Variants in VPS13B observed in about 807,000 individuals in gnomAD.
VPS13B encodes the protein intermembrane lipid transfer protein VPS13B.
A neutral mutation model predicts 426.4 loss-of-function variants in VPS13B; 285 were observed. The ratio of observed to expected loss-of-function variants is 0.67; its 90% CI spans 0.61 to 0.74. The LOEUF (loss-of-function observed/expected upper bound fraction) is 0.74. VPS13B is among the 30% of genes least tolerant of loss of function. VPS13B has a pLI of 0.00. For synonymous variants in VPS13B, 1,676 were observed against 1,676.4 expected (o/e 1.00, Z 0.01); for missense variants, 4,537 against 4,782.6 (o/e 0.95, Z 1.51).
intron 21 of VPS13B, among the ~76,000 whole-genome samples, chr8:99,410,535 ATTATTTAT>A (rs202087477): frequency 0.011 from 1,608 of 149,056 alleles, 14 homozygotes; most frequent in Non-Finnish European, 0.016. Context: ...TGTTACCAGA[ATTATTTAT>A]TTATTTATTT....
intron 19 of VPS13B, among the ~76,000 whole-genome samples, chr8:99,353,434 GTATTC>G (rs1219511023): frequency 1.3e-5 from 2 of 152,146 alleles, no homozygotes; most frequent in Non-Finnish European, 2.9e-5. Flanking sequence ...AGAAACCTCA[GTATTC>G]TAATCCTTTG....
chr8:99,425,467 C>T lies in VPS13B; in HGVS notation c.3083-6070C>T, dbSNP rs572546744. Among the ~76,000 whole-genome samples the T allele has an allele frequency of 1.4e-3, 213 of 152,268 alleles. 1 individual carries two copies. The highest frequency in any genetic ancestry group is 5.0e-3 in the African/African-American group (208 of 41,554). On this transcript the variant is annotated intron_variant, in intron 21 of 61. Transcript: ENST00000357162. Reference sequence around the variant, plus strand: ...TAAACAGAACCAAAGACAAAAACCACATGATTATCTCAATAGATGCAGAAA... The same window carrying T: ...TAAACAGAACCAAAGACAAAAACCATATGATTATCTCAATAGATGCAGAAA...
At position 99,510,667 on chromosome 8, in the gene VPS13B, C is replaced by T. The variant is rs551173824; in HGVS notation, c.4225-437C>T. On this transcript the variant is annotated intron_variant, in intron 28 of 61. Transcript: ENST00000357162. ...ATAGGCATGTACTACCATGCCACCA[C>T]ATCTGGCTAATTTTTTGTATTTTGA... Among the ~76,000 whole-genome samples the T allele has an allele frequency of 3.3e-5, 5 of 152,208 alleles. No individual in the cohort carries two copies. The East Asian group carries it at 7.8e-4, about 24-fold the overall frequency.
intron 50 of VPS13B, among the ~76,000 whole-genome samples, chr8:99,822,168 A>G (rs1433700443): frequency 1.3e-5 from 2 of 152,178 alleles, no homozygotes; most frequent in African/African-American, 2.4e-5. Context: ...TTCTAATATC[A>G]TCATTATTTT....
intron 31 of VPS13B, among the ~76,000 whole-genome samples, chr8:99,566,901 A>G (rs1429834088): frequency 6.6e-6 from 1 of 152,178 alleles, no homozygotes; most frequent in Non-Finnish European, 1.5e-5. Flanking sequence ...ATTGAAGTTT[A>G]CTGGTTTATT....
At chr8:99,805,398 G>T (rs2130774404) in intron 43 of VPS13B, among the ~76,000 whole-genome samples, 1 of 152,264 alleles carries the variant, frequency 6.6e-6, no homozygotes, top group African/African-American at 2.4e-5. Context: ...TTAAGATGCA[G>T]TTTAACATTT....
intron 19 of VPS13B, among the ~76,000 whole-genome samples, chr8:99,378,196 G>A (rs1240718985): frequency 1.4e-5 from 2 of 143,168 alleles, no homozygotes; most frequent in Admixed American, 1.6e-4. Context: ...TCCTTACTGG[G>A]GAAATAATTC....
At chr8:99,874,379 T>G (rs965622451) in intron 61 of VPS13B, among the ~76,000 whole-genome samples, 1 of 152,224 alleles carries the variant, frequency 6.6e-6, no homozygotes, top group Admixed American at 6.5e-5. Context: ...AGATTCAAAC[T>G]CTAAGGGATT....
At chr8:99,087,225 C>T (rs544099416) in intron 3 of VPS13B, among the ~76,000 whole-genome samples, 4 of 152,272 alleles carry the variant, frequency 2.6e-5, no homozygotes, top group East Asian at 1.9e-4. Context: ...TAGCAATCAG[C>T]GAGGCTCTGT....
At chr8:99,310,976 C>T (rs1194989061) in intron 19 of VPS13B, among the ~76,000 whole-genome samples, 2 of 152,154 alleles carry the variant, frequency 1.3e-5, no homozygotes, top group African/African-American at 2.4e-5. Context: ...TTATAATATT[C>T]TCTGATGGTA....
chr8:99,200,686 TTCTATC>T (rs1370644466), intron 17 of VPS13B, among the ~76,000 whole-genome samples: 1 of 152,116 alleles, frequency 6.6e-6, no homozygotes, highest in Non-Finnish European at 1.5e-5. Flanking sequence ...TATTAGCTAT[TTCTATC>T]TCTTCTATGG....
At chr8:99,365,087 A>T (rs1196315917) in intron 19 of VPS13B, among the ~76,000 whole-genome samples, 3 of 151,828 alleles carry the variant, frequency 2.0e-5, no homozygotes, top group African/African-American at 7.2e-5. Flanking sequence ...AGTAGCCACT[A>T]ATGATCCTTT....
intron 19 of VPS13B, among the ~76,000 whole-genome samples, chr8:99,376,301 T>G (rs1813482279): frequency 6.6e-6 from 1 of 152,220 alleles, no homozygotes; most frequent in African/African-American, 2.4e-5. Flanking sequence ...TAAAGGTTGG[T>G]ATCTTGTGAA....
At chr8:99,444,927 G>A (rs1055464710) in intron 23 of VPS13B, among the ~76,000 whole-genome samples, 1 of 151,898 alleles carries the variant, frequency 6.6e-6, no homozygotes, top group Non-Finnish European at 1.5e-5. Flanking sequence ...GGGATTATAG[G>A]TATTAGTCAC....
At chr8:99,838,717 T>G (rs950376618) in intron 54 of VPS13B, among the ~76,000 whole-genome samples, 2 of 152,232 alleles carry the variant, frequency 1.3e-5, no homozygotes, top group African/African-American at 4.8e-5. Context: ...CAAAGAGCTA[T>G]GCAGGAAAGG....
intron 21 of VPS13B, among the ~76,000 whole-genome samples, chr8:99,416,650 G>A (rs927386036): frequency 6.6e-6 from 1 of 152,128 alleles, no homozygotes; most frequent in African/African-American, 2.4e-5. Context: ...AGTCCCTCAT[G>A]GCTTCCCTTG....
At chr8:99,621,499 A>G (rs539719807) in intron 33 of VPS13B, among the ~76,000 whole-genome samples, 1 of 152,178 alleles carries the variant, frequency 6.6e-6, no homozygotes, top group East Asian at 1.9e-4. Flanking sequence ...AGCCCAGTTG[A>G]CTTTTTTATA....
At chr8:99,516,419 C>A (rs1354585299) in intron 29 of VPS13B, among the ~76,000 whole-genome samples, 1 of 152,028 alleles carries the variant, frequency 6.6e-6, no homozygotes, top group Non-Finnish European at 1.5e-5. Context: ...AAGTTGGAGT[C>A]AAGAGTATAC....
intron 3 of VPS13B, among the ~76,000 whole-genome samples, chr8:99,054,005 AG>A (rs2132274843): frequency 1.3e-5 from 2 of 152,220 alleles, no homozygotes; most frequent in East Asian, 3.9e-4. Flanking sequence ...CGCCCAGCCC[AG>A]GGTTTCCTTT....
Sources: allele counts gnomAD v4.1 joint callset (sites outside exome capture counted in the v4.1 genomes callset), GRCh38; gene constraint gnomAD v4.1.1; transcripts MANE v1.5; gene names NCBI Gene and HGNC (gene_info 2026-07-23, HGNC 2026-07-21).